Variants in BLOC1S6 observed in about 807,000 individuals in gnomAD.
The protein encoded by BLOC1S6 is biogenesis of lysosome-related organelles complex 1 subunit 6.
In BLOC1S6, 24 loss-of-function variants were observed where a neutral mutation model predicts 24.7. The ratio of observed to expected loss-of-function variants is 0.97; its 90% CI spans 0.70 to 1.37. The LOEUF (loss-of-function observed/expected upper bound fraction) is 1.37, where lower values mean the gene tolerates loss of function less well. Among genes scored for constraint, BLOC1S6 ranks in the 40% most tolerant of loss-of-function variants. BLOC1S6 has a pLI of 0.00. For synonymous variants in BLOC1S6, 76 were observed against 72.6 expected (o/e 1.05, Z -0.23); for missense variants, 175 against 196.2 (o/e 0.89, Z 0.64).
rs1205841200 is a variant in BLOC1S6, at chr15:45,607,650, G to C, written c.*1136G>C. 6.6e-6 allele frequency: 1 copy of C among 152,310 alleles called. No homozygotes were observed. Among genetic ancestry groups the C allele is most frequent in the Non-Finnish European group, 1.5e-5 (1 of 68,156 alleles). The allele number at this position is 152,310 out of a possible 1,614,324, so 9.4% of individuals were successfully genotyped here. ...TAGCTGGGTGTGGGGGCGTGCGCCTGTAGTCCCAGCTACTTGGGAGGCTGA... is the reference window on the plus strand; with the variant it reads ...TAGCTGGGTGTGGGGGCGTGCGCCTCTAGTCCCAGCTACTTGGGAGGCTGA... On this transcript the variant is annotated 3_prime_UTR_variant, in exon 5 of 5. Transcript: ENST00000220531.
chr15:45,603,261 C>A, intron 3 of BLOC1S6, 74 bp downstream of exon 3: 1 of 942,002 alleles, frequency 1.1e-6, no homozygotes, highest in Non-Finnish European at 1.7e-6. Flanking sequence ...TAAGCAATAG[C>A]TAAGATTTTA....
intron 2 of BLOC1S6, among the ~76,000 whole-genome samples, chr15:45,595,045 T>G (rs1894019576): frequency 6.6e-6 from 1 of 152,012 alleles, no homozygotes; most frequent in African/African-American, 2.4e-5. Flanking sequence ...AACTTTTGTT[T>G]CCTCTCCCAG....
At chr15:45,601,839 G>C (rs935032443) in intron 2 of BLOC1S6, among the ~76,000 whole-genome samples, 9 of 151,694 alleles carry the variant, frequency 5.9e-5, no homozygotes, top group Non-Finnish European at 1.3e-4. Flanking sequence ...CACTTTCTGT[G>C]ATCTCTAGTC....
At chr15:45,593,623 T>C (rs1336422950) in intron 2 of BLOC1S6, among the ~76,000 whole-genome samples, 2 of 152,166 alleles carry the variant, frequency 1.3e-5, no homozygotes, top group Admixed American at 6.6e-5. Flanking sequence ...ATACTTTACT[T>C]GCAGGAAGCT....
intron 3 of BLOC1S6, among the ~76,000 whole-genome samples, chr15:45,604,373 C>T (rs1300579692): frequency 6.6e-6 from 1 of 152,182 alleles, no homozygotes; most frequent in Non-Finnish European, 1.5e-5. Flanking sequence ...AAATACAGAG[C>T]CATCTGCCCA....
chr15:45,606,308 C>G (rs1363406863), intron 4 of BLOC1S6, 87 bp from the exon 5 acceptor site: 15 of 1,541,456 alleles, frequency 9.7e-6, no homozygotes, highest in Admixed American at 8.5e-5. Context: ...TGAATTACCT[C>G]AAAGCAGAGC....
chr15:45,600,187 G>T (rs866365617), intron 2 of BLOC1S6, among the ~76,000 whole-genome samples: 5 of 115,602 alleles, frequency 4.3e-5, no homozygotes, highest in South Asian at 3.6e-4. Context: ...GTGGTGGGGT[G>T]GGGGGAGGGG....
rs766882061 is a variant in BLOC1S6, at chr15:45,609,306, AG to A, written c.*2793del. The A allele has an allele frequency of 6.6e-6, 1 of 151,830 alleles. No homozygotes were observed. Among genetic ancestry groups the A allele is most frequent in the African/African-American group, 2.4e-5 (1 of 41,072 alleles). 9.4% of individuals were successfully genotyped at this position (151,830 alleles called of 1,614,324 possible). On this transcript the variant is annotated 3_prime_UTR_variant, in exon 5 of 5. Transcript: ENST00000220531. ...CACTGAACTCCAGCCCGTATGACAG[AG>A]TGAGACCCTGTTTCTAAAAACAAAA...
At chr15:45,600,562 A>G (rs899352653) in intron 2 of BLOC1S6, among the ~76,000 whole-genome samples, 2 of 152,192 alleles carry the variant, frequency 1.3e-5, no homozygotes, top group African/African-American at 2.4e-5. Context: ...TGATAGGACC[A>G]TGTAATTTTT....
rs1406824000 is a variant in BLOC1S6 at position 45,594,683 on chromosome 15, A to G, written c.224+2407A>G. Among the ~76,000 whole-genome samples the G allele has an allele frequency of 5.9e-5, 9 of 152,212 alleles. No individual in the cohort carries two copies. In the East Asian group the frequency reaches 1.7e-3, roughly 29 times the overall value. ...ACTGCAACCTCTGCCTCCTGGGTTC[A>G]AGAGATTCTCCTGCCTCAGCCTCCC... On this transcript the variant is annotated intron_variant, in intron 2 of 4. Transcript: ENST00000220531.
chr15:45,609,366 T>G lies in BLOC1S6; in HGVS notation c.*2852T>G, dbSNP rs1311493673. 2 of 152,156 alleles carry G rather than the reference T, an allele frequency of 1.3e-5. No individual in the cohort carries two copies. Among genetic ancestry groups the G allele is most frequent in the African/African-American group, 4.8e-5 (2 of 41,440 alleles). 9.4% of individuals were successfully genotyped at this position (152,156 alleles called of 1,614,324 possible). On this transcript the variant is annotated 3_prime_UTR_variant, in exon 5 of 5. Transcript: ENST00000220531. ...CAAACAAACAACGTATCTTACTGAC[T>G]AAACTGGAATGGAAATCTTATAATT...
intron 2 of BLOC1S6, chr15:45,602,459 C>A: frequency 1.7e-6 from 1 of 572,062 alleles, no homozygotes; most frequent in Non-Finnish European, 3.1e-6. Flanking sequence ...GTTGGCTTCT[C>A]TTCCTCAATG....
chr15:45,599,644 C>G (rs1341113247), intron 2 of BLOC1S6: 1 of 80,882 alleles, frequency 1.2e-5, no homozygotes, highest in East Asian at 3.3e-4. Context: ...TCATCTCACA[C>G]CAGTTAGAAT....
At chr15:45,588,942 T>C (rs1770933615) in intron 1 of BLOC1S6, among the ~76,000 whole-genome samples, 1 of 152,220 alleles carries the variant, frequency 6.6e-6, no homozygotes, top group South Asian at 2.1e-4. Flanking sequence ...TGGAAATTGG[T>C]GCCAATTTCT....
intron 2 of BLOC1S6, among the ~76,000 whole-genome samples, chr15:45,593,852 A>G (rs1893976388): frequency 1.3e-5 from 2 of 152,174 alleles, no homozygotes; most frequent in African/African-American, 2.4e-5. Flanking sequence ...AGTATCTAGT[A>G]TTATCCTTAT....
intron 2 of BLOC1S6, among the ~76,000 whole-genome samples, chr15:45,593,044 T>G (rs1388051154): frequency 6.6e-6 from 1 of 152,196 alleles, no homozygotes; most frequent in Non-Finnish European, 1.5e-5. Flanking sequence ...CTGTGCTTAT[T>G]TTATAATTAT....
In BLOC1S6 at chr15:45,607,443, A is replaced by G. The variant is rs1028459526; in HGVS notation, c.*929A>G. On this transcript the variant is annotated 3_prime_UTR_variant, in exon 5 of 5. Coordinates refer to ENST00000220531, the MANE Select transcript of BLOC1S6 (RefSeq NM_012388.4). ...ACAATATAGTATTATAGTAACAGTT[A>G]TCATACACTGAGATATAGTTTCTGT... is the stretch of plus-strand genomic sequence containing the variant. 3 of 152,194 alleles carry G rather than the reference A, an allele frequency of 2.0e-5. No individual in the cohort carries two copies. Among genetic ancestry groups the G allele is most frequent in the African/African-American group, 7.2e-5 (3 of 41,450 alleles). 9.4% of individuals were successfully genotyped at this position (152,194 alleles called of 1,614,324 possible).
chr15:45,596,576 G>A (rs1894085686), intron 2 of BLOC1S6, among the ~76,000 whole-genome samples: 1 of 152,146 alleles, frequency 6.6e-6, no homozygotes, highest in African/African-American at 2.4e-5. Flanking sequence ...TTGTTTTTGT[G>A]TAGGTTTATT....
chr15:45,588,146 G>T (rs1473619158), intron 1 of BLOC1S6, among the ~76,000 whole-genome samples: 1 of 152,226 alleles, frequency 6.6e-6, no homozygotes, highest in Non-Finnish European at 1.5e-5. Flanking sequence ...GATGAGAAAG[G>T]CTGCAGGGCT....
Sources: allele counts gnomAD v4.1 joint callset (sites outside exome capture counted in the v4.1 genomes callset), GRCh38; gene constraint gnomAD v4.1.1; transcripts MANE v1.5; gene names NCBI Gene and HGNC (gene_info 2026-07-23, HGNC 2026-07-21).